The following MYLK variants were observed in gnomAD, a reference collection of about 807,000 sequenced individuals.
MYLK encodes the protein myosin light chain kinase, also known as myosin light chain kinase, smooth muscle.
MYLK carries 106 observed loss-of-function variants against 203.4 expected under a neutral mutation model. The observed-to-expected ratio is 0.52, with a 90% CI of 0.45 to 0.61. MYLK has a LOEUF of 0.61. MYLK is among the 20% of genes least tolerant of loss of function. The probability of loss-of-function intolerance (pLI) is 0.00; values close to 1 mark genes in which losing one functional copy is unlikely to be tolerated. For missense variants in MYLK, 2,072 were observed against 2,442.3 expected, an observed-to-expected ratio of 0.85 and a Z score of 3.20; for synonymous variants, 867 against 959.5, an observed-to-expected ratio of 0.90 and a Z score of 1.78.
intron 29 of MYLK, among the ~76,000 whole-genome samples, chr3:123,636,685 C>A (rs1179137414): frequency 6.6e-6 from 1 of 152,236 alleles, no homozygotes; most frequent in African/African-American, 2.4e-5. Flanking sequence ...GGGAGTCAAG[C>A]TCCAGTCCAG....
intron 4 of MYLK, among the ~76,000 whole-genome samples, chr3:123,770,216 T>A (rs1014580573): frequency 1.3e-5 from 2 of 151,476 alleles, no homozygotes; most frequent in Non-Finnish European, 2.9e-5. Flanking sequence ...CCCAGATACT[T>A]GGGAGGCTGA....
At chr3:123,696,334 A>G (rs914282342) in intron 18 of MYLK, among the ~76,000 whole-genome samples, 6 of 152,062 alleles carry the variant, frequency 3.9e-5, no homozygotes, top group Non-Finnish European at 8.8e-5. Flanking sequence ...TCCTGGAGGA[A>G]GTGAATCTTG....
At chr3:123,722,060 T>C in intron 13 of MYLK, 68 bp downstream of exon 13, 1 of 1,540,600 alleles carries the variant, frequency 6.5e-7, no homozygotes, top group South Asian at 1.2e-5. Context: ...TCTACAAATG[T>C]GCCCTTCCTC....
chr3:123,731,952 T>G (rs916493010), intron 11 of MYLK, among the ~76,000 whole-genome samples: 1 of 151,878 alleles, frequency 6.6e-6, no homozygotes, highest in Non-Finnish European at 1.5e-5. Flanking sequence ...TTGTTGATGT[T>G]ACTATATACC....
At chr3:123,764,997 A>T (rs1044121054) in intron 4 of MYLK, among the ~76,000 whole-genome samples, 16 of 152,178 alleles carry the variant, frequency 1.1e-4, no homozygotes, top group African/African-American at 3.9e-4. Flanking sequence ...TCATAGGTTT[A>T]TAAGTTTTCA....
intron 20 of MYLK, among the ~76,000 whole-genome samples, chr3:123,669,455 A>G (rs2059840531): frequency 6.6e-6 from 1 of 151,198 alleles, no homozygotes; most frequent in South Asian, 2.1e-4. Flanking sequence ...CATAAAGGAC[A>G]TTTATAGGAT....
At chr3:123,820,132 TG>T (rs1043188055) in intron 3 of MYLK, among the ~76,000 whole-genome samples, 1 of 151,872 alleles carries the variant, frequency 6.6e-6, no homozygotes, top group African/African-American at 2.4e-5. Context: ...CTGTAAAAGG[TG>T]GGGATGCATG....
chr3:123,697,840 G>A (rs1477611660), intron 18 of MYLK, among the ~76,000 whole-genome samples: 2 of 152,166 alleles, frequency 1.3e-5, no homozygotes, highest in African/African-American at 4.8e-5. Flanking sequence ...CCCTTCGTGT[G>A]CAGCCTTCCT....
intron 3 of MYLK, 42 bp from the exon 4 acceptor site, chr3:123,793,886 G>GCA: frequency 6.2e-7 from 1 of 1,610,932 alleles, no homozygotes. Flanking sequence ...ATCAGACAAA[G>GCA]CACAGCCCTG....
chr3:123,719,247 A>G (rs1451341707), intron 13 of MYLK, among the ~76,000 whole-genome samples: 1 of 152,040 alleles, frequency 6.6e-6, no homozygotes, highest in East Asian at 1.9e-4. Context: ...CTGCCCCTCA[A>G]CCACCCCCGA....
chr3:123,807,407 C>A (rs550200761), intron 3 of MYLK, among the ~76,000 whole-genome samples: 62 of 150,256 alleles, frequency 4.1e-4, no homozygotes, highest in African/African-American at 1.5e-3. Flanking sequence ...CCAGCCTGGG[C>A]AATGGAGTGA....
chr3:123,777,741 GCCAGGGGTCT>G (rs1260284197), intron 4 of MYLK, among the ~76,000 whole-genome samples: 1 of 152,168 alleles, frequency 6.6e-6, no homozygotes. Context: ...CAATGACAGA[GCCAGGGGTCT>G]CCAGTCTACT....
chr3:123,719,926 C>T (rs1255616130), intron 13 of MYLK, among the ~76,000 whole-genome samples: 2 of 152,222 alleles, frequency 1.3e-5, no homozygotes, highest in East Asian at 1.9e-4. Flanking sequence ...GGAGCAGCCC[C>T]GAGCCTCCTG....
chr3:123,700,682 A>T lies in MYLK; in HGVS notation c.2786T>A (p.Leu929Gln). Residue 929 changes from leucine to glutamine, a missense_variant, in exon 18 of 34, where the codon CTG becomes CAG. Leu to Gln is a moderately radical substitution (Grantham distance 113). This residue lies in a region of MYLK where 865 missense variants were observed against 1,016.0 expected (regional missense o/e 0.85). Coordinates refer to ENST00000360304, the MANE Select transcript of MYLK (RefSeq NM_053025.4). ...AGTCTTTGGCTTCACTTGCCGCTGC[A>T]GGTTGGCACGGAAATCCATCTGCTC... ...PAEQMDFRAN[L>Q]QRQVKPKTVS... 1 of 1,614,112 alleles carries T rather than the reference A, an allele frequency of 6.2e-7. No individual in the cohort carries two copies. The highest frequency in any genetic ancestry group is 8.5e-7 in the Non-Finnish European group (1 of 1,180,018).
rs1429674752 is a variant in MYLK at position 123,657,247 on chromosome 3, G to A, written c.4167C>T (p.Phe1389=). ...GGTCAGGCAGCAGGTCCTGGACGTT[G>A]AAAGAGGTGCTGCGGCATGTGGCTA... ...KELATCRSTS[F]NVQDLLPDHE... The change falls in exon 24 of 34, where the codon TTC becomes TTT. Residue 1389 remains phenylalanine (F), a synonymous_variant. Transcript: ENST00000360304. The A allele has an allele frequency of 3.1e-6, 5 of 1,614,068 alleles. No individual in the cohort carries two copies. The African/African-American group carries it at 5.3e-5, about 17-fold the overall frequency.
intron 2 of MYLK, among the ~76,000 whole-genome samples, chr3:123,843,144 G>A (rs1042080940): frequency 6.6e-6 from 1 of 152,202 alleles, no homozygotes; most frequent in African/African-American, 2.4e-5. Flanking sequence ...AATAGCTCAA[G>A]TCTCAGCAGT....
intron 2 of MYLK, among the ~76,000 whole-genome samples, chr3:123,842,435 T>C (rs1469798713): frequency 3.3e-5 from 5 of 152,166 alleles, no homozygotes; most frequent in Non-Finnish European, 5.9e-5. Context: ...CTCACAATTA[T>C]TTGTGTGAAA....
At chr3:123,663,143 AACAACTGGAGCAGAACATG>A (rs2059619096) in intron 23 of MYLK, among the ~76,000 whole-genome samples, 1 of 152,020 alleles carries the variant, frequency 6.6e-6, no homozygotes, top group Non-Finnish European at 1.5e-5. Flanking sequence ...CCACACGGGG[AACAACTGGAGCAGAACATG>A]ACAACAGCGG....
At chr3:123,750,743 G>A (rs754588560) in intron 5 of MYLK, among the ~76,000 whole-genome samples, 1 of 152,184 alleles carries the variant, frequency 6.6e-6, no homozygotes, top group East Asian at 1.9e-4. Context: ...TCAACACAAA[G>A]TTCAGGCATT....
Sources: gnomAD v4.1 joint callset for allele counts (sites outside exome capture counted in the v4.1 genomes callset) on GRCh38, gnomAD v4.1.1 for gene constraint, gnomAD v4.1.1 regional missense constraint, MANE v1.5 for transcripts, NCBI Gene and HGNC (gene_info 2026-07-23, HGNC 2026-07-21) for gene names.